Variants in CRCP observed in about 807,000 individuals in gnomAD.
The protein encoded by CRCP is DNA-directed RNA polymerase III subunit RPC9.
Under a neutral mutation model 18.5 loss-of-function variants are expected in CRCP, and 18 were observed. The observed-to-expected ratio is 0.97, with a 90% CI of 0.67 to 1.44. The LOEUF (loss-of-function observed/expected upper bound fraction) is 1.44. CRCP is among the 40% of genes most tolerant of loss of function. The pLI is 0.00. For synonymous variants in CRCP, 53 were observed against 62.9 expected, an observed-to-expected ratio of 0.84 and a Z score of 0.75; for missense variants, 130 against 176.4, an observed-to-expected ratio of 0.74 and a Z score of 1.49.
chr7:66,129,048 T>G (rs1410990903), intron 2 of CRCP, among the ~76,000 whole-genome samples: 2 of 151,534 alleles, frequency 1.3e-5, no homozygotes, highest in African/African-American at 4.8e-5. Flanking sequence ...AAAAATAAAT[T>G]AGCGGCCGGG....
intron 1 of CRCP, among the ~76,000 whole-genome samples, chr7:66,127,445 G>A (rs1787648476): frequency 6.6e-6 from 1 of 152,208 alleles, no homozygotes; most frequent in African/African-American, 2.4e-5. Context: ...GATGTCAATA[G>A]CTGATGGGAG....
Position 66,153,652 on chromosome 7 carries a change from C to T in CRCP, c.*1295C>T, listed in dbSNP as rs1474753874. On this transcript the variant is annotated 3_prime_UTR_variant, in exon 6 of 6. Coordinates refer to ENST00000395326, the MANE Select transcript of CRCP (RefSeq NM_014478.5). ...CAAATTGGCGCTCTTATTTTCAATGCTAATTGGATTACTTCTCTTCCAACC... is the reference window on the plus strand; with the variant it reads ...CAAATTGGCGCTCTTATTTTCAATGTTAATTGGATTACTTCTCTTCCAACC... The T allele has an allele frequency of 6.6e-6, 1 of 152,032 alleles. No individual in the cohort carries two copies. Among genetic ancestry groups the T allele is most frequent in the Non-Finnish European group, 1.5e-5 (1 of 68,008 alleles). The allele number at this position is 152,032 out of a possible 1,614,324, so 9.4% of individuals were successfully genotyped here.
intron 1 of CRCP, among the ~76,000 whole-genome samples, chr7:66,121,114 A>G (rs1787427359): frequency 6.6e-6 from 1 of 151,622 alleles, no homozygotes; most frequent in Admixed American, 6.6e-5. Flanking sequence ...CGCTCTTGTC[A>G]CCCAGGCTGG....
chr7:66,150,887 G>C (rs1403159573), intron 5 of CRCP: 2 of 152,106 alleles, frequency 1.3e-5, no homozygotes, highest in Admixed American at 1.3e-4. Context: ...CTTTTAAAAA[G>C]GCAGCTGACG....
chr7:66,128,142 A>G (rs539346280), intron 2 of CRCP, among the ~76,000 whole-genome samples: 48 of 151,924 alleles, frequency 3.2e-4, no homozygotes, highest in African/African-American at 1.1e-3. Flanking sequence ...AGAAAGAAAG[A>G]AAAAGAAAAA....
At chr7:66,147,580 G>A in intron 5 of CRCP, among the ~76,000 whole-genome samples, 1 of 152,152 alleles carries the variant, frequency 6.6e-6, no homozygotes, top group East Asian at 1.9e-4. Flanking sequence ...GATGTGTGTG[G>A]CATCCCCTGA....
intron 4 of CRCP, among the ~76,000 whole-genome samples, chr7:66,137,621 T>A (rs906173176): frequency 5.9e-5 from 9 of 152,250 alleles, no homozygotes; most frequent in Admixed American, 3.9e-4. Flanking sequence ...GAAGTTCAGA[T>A]TGCTGAGATT....
At chr7:66,138,475 C>T (rs1464736310) in intron 4 of CRCP, among the ~76,000 whole-genome samples, 3 of 151,728 alleles carry the variant, frequency 2.0e-5, no homozygotes, top group African/African-American at 7.3e-5. Context: ...TTTTTTATCC[C>T]CCTCTACTCC....
chr7:66,127,969 G>T (rs1787664969), intron 2 of CRCP, among the ~76,000 whole-genome samples: 1 of 151,968 alleles, frequency 6.6e-6, no homozygotes, highest in Non-Finnish European at 1.5e-5. Context: ...AAAATTAGCT[G>T]GGTGTGGTGG....
intron 4 of CRCP, among the ~76,000 whole-genome samples, chr7:66,140,165 G>A (rs547309577): frequency 2.0e-5 from 3 of 152,194 alleles, no homozygotes; most frequent in South Asian, 4.1e-4. Context: ...GTCTCCTGGC[G>A]AGAAAGATTG....
chr7:66,134,537 G>A (rs1787913928), intron 4 of CRCP, 163 bp downstream of exon 4: 2 of 422,468 alleles, frequency 4.7e-6, no homozygotes, highest in South Asian at 4.0e-5. Context: ...CTAGAGTAAG[G>A]AACAAATCTT....
chr7:66,124,373 A>G (rs1302766714), intron 1 of CRCP, among the ~76,000 whole-genome samples: 1 of 152,148 alleles, frequency 6.6e-6, no homozygotes, highest in African/African-American at 2.4e-5. Flanking sequence ...AAAAAACTAA[A>G]AATAAAAAGA....
rs907258319 is a variant in CRCP at position 66,151,493 on chromosome 7, T to C, written c.298-715T>C. Reference sequence around the variant, plus strand: ...CTGAGGCAGGAGAATTGCTTGAACCTGAGAGGCGGAGGTTGCAGTGAGCCG... The same window carrying C: ...CTGAGGCAGGAGAATTGCTTGAACCCGAGAGGCGGAGGTTGCAGTGAGCCG... On this transcript the variant is annotated intron_variant, in intron 5 of 5. Transcript: ENST00000395326. 2.6e-5 allele frequency among the ~76,000 whole-genome samples: 4 copies of C among 151,930 alleles called. No homozygotes were observed. In the East Asian group the frequency reaches 7.8e-4, roughly 30 times the overall value.
At chr7:66,143,452 C>CT (rs912902316) in intron 4 of CRCP, among the ~76,000 whole-genome samples, 2 of 152,160 alleles carry the variant, frequency 1.3e-5, no homozygotes, top group Non-Finnish European at 2.9e-5. Context: ...CGGGAGCTTT[C>CT]TTTCCTCTGG....
intron 5 of CRCP, chr7:66,150,945 G>A (rs1401089306): frequency 6.6e-6 from 1 of 152,220 alleles, no homozygotes; most frequent in Non-Finnish European, 1.5e-5. Context: ...AACTGGCTCA[G>A]GCTGTGAGTA....
intron 4 of CRCP, 145 bp from the exon 5 acceptor site, chr7:66,145,298 C>A: frequency 1.3e-6 from 1 of 766,744 alleles, no homozygotes. Flanking sequence ...TGTTCCCATT[C>A]TCTCGATTTA....
chr7:66,152,155 C>G, intron 5 of CRCP, 53 bp from the exon 6 acceptor site: 1 of 1,607,102 alleles, frequency 6.2e-7, no homozygotes, highest in Non-Finnish European at 8.5e-7. Flanking sequence ...GCAGGGCTGC[C>G]CAAGGCTGTA....
intron 1 of CRCP, among the ~76,000 whole-genome samples, chr7:66,124,510 C>T (rs1787560242): frequency 7.0e-6 from 1 of 142,704 alleles, no homozygotes. Flanking sequence ...CTCCCTCCCT[C>T]CCTTCCTTCC....
At chr7:66,120,391 C>A (rs1003062596) in intron 1 of CRCP, among the ~76,000 whole-genome samples, 1 of 152,062 alleles carries the variant, frequency 6.6e-6, no homozygotes, top group Non-Finnish European at 1.5e-5. Flanking sequence ...CTTGTAACAG[C>A]CTGTCCCCTT....
Sources: gnomAD v4.1 joint callset for allele counts (sites outside exome capture counted in the v4.1 genomes callset) on GRCh38, gnomAD v4.1.1 for gene constraint, MANE v1.5 for transcripts, NCBI Gene and HGNC (gene_info 2026-07-23, HGNC 2026-07-21) for gene names.